The following COL4A3 variants were observed in gnomAD, a reference collection of about 807,000 sequenced individuals.
COL4A3 encodes collagen alpha-3(IV) chain.
In COL4A3, 135 loss-of-function variants were observed where a neutral mutation model predicts 217.4. The observed-to-expected ratio is 0.62, with a 90% CI of 0.54 to 0.72. The LOEUF is 0.72. Ranked by LOEUF, COL4A3 falls within the 30% of genes least tolerant of loss-of-function variation. The pLI, the probability that COL4A3 is intolerant of heterozygous loss-of-function variation, is 0.00. For synonymous variants in COL4A3, 690 were observed against 736.3 expected, an observed-to-expected ratio of 0.94 and a Z score of 1.02; for missense variants, 1,868 against 2,119.9, an observed-to-expected ratio of 0.88 and a Z score of 2.33.
At chr2:227,258,256 G>A (rs574482931) in intron 18 of COL4A3, among the ~76,000 whole-genome samples, 5 of 152,336 alleles carry the variant, frequency 3.3e-5, no homozygotes, top group African/African-American at 9.6e-5. Flanking sequence ...CAAGGCTGTC[G>A]TGAATGGTCA....
intron 33 of COL4A3, 34 bp from the exon 34 acceptor site, chr2:227,284,177 T>G: frequency 1.9e-6 from 3 of 1,613,802 alleles, no homozygotes; most frequent in Non-Finnish European, 2.5e-6. Flanking sequence ...ACCTGAAGAA[T>G]TAAGGACCTG....
chr2:227,266,919 T>A, intron 22 of COL4A3, 74 bp from the exon 23 acceptor site: 1 of 966,572 alleles, frequency 1.0e-6, no homozygotes, highest in Admixed American at 1.8e-5. Flanking sequence ...AATGATAGTG[T>A]GGTTGGAAAA....
At chr2:227,284,148 TTTTTAATCCC>T in intron 33 of COL4A3, 53 bp from the exon 34 acceptor site, 2 of 1,610,634 alleles carry the variant, frequency 1.2e-6, no homozygotes, top group Admixed American at 3.3e-5. Flanking sequence ...CACTGCCAAC[TTTTTAATCCC>T]TATGAACTAC....
intron 34 of COL4A3, among the ~76,000 whole-genome samples, chr2:227,286,038 G>A (rs999576385): frequency 2.0e-5 from 3 of 152,208 alleles, no homozygotes; most frequent in Non-Finnish European, 2.9e-5. Flanking sequence ...TCTCCACAAG[G>A]AGGCTGCGTG....
intron 1 of COL4A3, among the ~76,000 whole-genome samples, chr2:227,177,316 A>ATT (rs113238169): frequency 6.8e-6 from 1 of 146,204 alleles, no homozygotes; most frequent in African/African-American, 2.5e-5. Flanking sequence ...CTCCCGGCTA[A>ATT]TTTTTTTTTT....
chr2:227,175,130 G>A (rs1360989681), intron 1 of COL4A3, among the ~76,000 whole-genome samples: 6 of 152,166 alleles, frequency 3.9e-5, no homozygotes, highest in African/African-American at 1.4e-4. Context: ...CCTCTCAGAA[G>A]TGGAGAGAGG....
At chr2:227,180,429 G>A (rs1242212559) in intron 1 of COL4A3, among the ~76,000 whole-genome samples, 3 of 152,188 alleles carry the variant, frequency 2.0e-5, no homozygotes, top group African/African-American at 7.2e-5. Context: ...GCTGTGACCT[G>A]CTCAGGCCTT....
intron 36 of COL4A3, 93 bp from the exon 37 acceptor site, chr2:227,290,654 T>A (rs1452145812): frequency 1.6e-6 from 2 of 1,245,218 alleles, no homozygotes; most frequent in Non-Finnish European, 2.3e-6. Context: ...AAAAAGCCAT[T>A]CTTGGGAGAA....
At chr2:227,179,296 G>A (rs1259782442) in intron 1 of COL4A3, among the ~76,000 whole-genome samples, 4 of 152,006 alleles carry the variant, frequency 2.6e-5, no homozygotes, top group African/African-American at 9.7e-5. Context: ...AAAAATGAGT[G>A]TCAGATGCCA....
In COL4A3 at chr2:227,253,224, A is replaced by G; in HGVS notation, c.646-72A>G. ...ATAAATGCTCCCTTACAAATATTGG[A>G]ACTTTGATGGGTTTAGACTATTTAT... On this transcript the variant is annotated intron_variant, in intron 11 of 51. Coordinates refer to ENST00000396578, the MANE Select transcript of COL4A3 (RefSeq NM_000091.5). This position sits in a 1 kb window ranked among gnomAD's most constrained non-coding sequence, Gnocchi z 4.4. 1 of 1,256,646 alleles carries G rather than the reference A, an allele frequency of 8.0e-7. No homozygotes were observed. Among genetic ancestry groups the G allele is most frequent in the Non-Finnish European group, 1.2e-6 (1 of 864,548 alleles). The allele number at this position is 1,256,646 out of a possible 1,614,324, so 77.8% of individuals were successfully genotyped here. A position where few individuals can be genotyped will look rare whatever the true frequency, so the allele number is the denominator to read the frequency against.
At chr2:227,287,733 A>C (rs928280137) in intron 34 of COL4A3, among the ~76,000 whole-genome samples, 2 of 152,170 alleles carry the variant, frequency 1.3e-5, no homozygotes, top group African/African-American at 2.4e-5. Flanking sequence ...TTCAAGACTG[A>C]GCTAAAAAAT....
chr2:227,279,953 A>G, intron 29 of COL4A3, 63 bp downstream of exon 29: 1 of 1,062,514 alleles, frequency 9.4e-7, no homozygotes, highest in Non-Finnish European at 1.4e-6. Flanking sequence ...GCCAGTTTGT[A>G]TGCACTTATC....
intron 25 of COL4A3, among the ~76,000 whole-genome samples, chr2:227,271,522 G>C (rs1270670729): frequency 7.1e-6 from 1 of 141,412 alleles, no homozygotes; most frequent in Non-Finnish European, 1.5e-5. Flanking sequence ...GCCCAGGCTG[G>C]AGTGCAATGG....
intron 1 of COL4A3, among the ~76,000 whole-genome samples, chr2:227,176,509 C>G (rs1343058583): frequency 6.6e-6 from 1 of 152,094 alleles, no homozygotes; most frequent in African/African-American, 2.4e-5. Context: ...AATTTTCTAG[C>G]GGTAGTTTTA....
In COL4A3 at chr2:227,267,116, T is replaced by G. The variant is rs765649999; in HGVS notation, c.1504+28T>G. 5.9e-6 allele frequency: 9 copies of G among 1,536,446 alleles called. No homozygotes were observed. The East Asian group carries it at 1.8e-4, about 31-fold the overall frequency. On this transcript the variant is annotated intron_variant, in intron 23 of 51. Coordinates refer to ENST00000396578, the MANE Select transcript of COL4A3 (RefSeq NM_000091.5). Reference sequence around the variant, plus strand: ...ACAAACAATTTGCATGCAAGTGTTTTTGCAAGCACAAAAGGGTCAATACAC... The same window carrying G: ...ACAAACAATTTGCATGCAAGTGTTTGTGCAAGCACAAAAGGGTCAATACAC...
At chr2:227,302,488 C>G (rs2073328267) in intron 43 of COL4A3, among the ~76,000 whole-genome samples, 3 of 151,862 alleles carry the variant, frequency 2.0e-5, no homozygotes, top group Non-Finnish European at 1.5e-5. Flanking sequence ...ACCAGCTGGG[C>G]CAACATGGCG....
At chr2:227,166,026 A>T (rs2065258084) in intron 1 of COL4A3, among the ~76,000 whole-genome samples, 1 of 152,224 alleles carries the variant, frequency 6.6e-6, no homozygotes, top group Non-Finnish European at 1.5e-5. Context: ...AACATAAATG[A>T]TACTGTGCTG....
intron 20 of COL4A3, 76 bp from the exon 21 acceptor site, chr2:227,263,704 A>T: frequency 7.3e-7 from 1 of 1,378,204 alleles, no homozygotes; most frequent in Non-Finnish European, 1.0e-6. Flanking sequence ...AAATTAAATC[A>T]CTCTTGCAAT....
intron 1 of COL4A3, among the ~76,000 whole-genome samples, chr2:227,230,063 A>G (rs977570495): frequency 2.8e-5 from 2 of 71,668 alleles, no homozygotes; most frequent in East Asian, 2.1e-4. Context: ...AAAAAAAAAA[A>G]AAAGAAATTT....
Sources: gnomAD v4.1 joint callset for allele counts (sites outside exome capture counted in the v4.1 genomes callset) on GRCh38, gnomAD v4.1.1 for gene constraint, Gnocchi (gnomAD v3.1) non-coding constraint, MANE v1.5 for transcripts, NCBI Gene and HGNC (gene_info 2026-07-23, HGNC 2026-07-21) for gene names.